The following ARX variants were observed in gnomAD, a reference collection of about 807,000 sequenced individuals.
The protein encoded by ARX is aristaless related homeobox, also known as homeobox protein ARX.
ARX carries 1 observed loss-of-function variant against 23.1 expected under a neutral mutation model. That is an observed-to-expected ratio of 0.04 (90% CI 0.02 to 0.21). The LOEUF is 0.21. ARX is among the 10% of genes least tolerant of loss of function. ARX has a pLI of 1.00. For missense variants in ARX, 380 were observed against 527.5 expected (o/e 0.72, Z 2.74); for synonymous variants, 301 against 270.1 (o/e 1.11, Z -1.12).
chrX:25,007,370 C>G lies in ARX; in HGVS notation c.1189G>C (p.Gly397Arg). Residue 397 changes from glycine (G) to arginine (R), a missense_variant, in exon 4 of 5, where the codon GGG becomes CGG. Around this residue, in one of 3 missense-constraint regions of ARX, gnomAD observed 121 missense variants for 169.7 expected, o/e 0.71. Coordinates refer to ENST00000379044, the MANE Select transcript of ARX (RefSeq NM_139058.3). Reference sequence around the variant, plus strand: ...GAGAGCGGCCCCGGGAAGGGCAGCCCAGGGGGGTGGGTCTGCGCGCCTGCC... The same window carrying G: ...GAGAGCGGCCCCGGGAAGGGCAGCCGAGGGGGGTGGGTCTGCGCGCCTGCC... The part of the protein sequence containing the change: ...EKAGAQTHPP[G>R]LPFPGPLSAT... 1 of 1,152,607 alleles carries G rather than the reference C, an allele frequency of 8.7e-7. No individual in the cohort carries two copies. Among genetic ancestry groups the G allele is most frequent in the Non-Finnish European group, 1.1e-6 (1 of 870,989 alleles). 95.0% of individuals were successfully genotyped at this position (1,152,607 alleles called of 1,213,427 possible).
intron 1 of ARX, 122 bp downstream of exon 1, chrX:25,015,418 CAG>C: frequency 1.1e-6 from 1 of 905,460 alleles, no homozygotes; most frequent in Non-Finnish European, 1.6e-6. Context: ...CAGCAGGCCT[CAG>C]AGTTATGCCC....
intron 4 of ARX, chrX:25,006,150 T>C (rs1466070893): frequency 8.9e-6 from 1 of 112,049 alleles, no homozygotes; most frequent in Non-Finnish European, 1.9e-5. Context: ...AGACAGAACT[T>C]TAAGATTTTT....
chrX:25,012,491 C>T (rs1241428400), intron 2 of ARX, among the ~76,000 whole-genome samples: 3 of 112,877 alleles, frequency 2.7e-5, no homozygotes, highest in Non-Finnish European at 5.6e-5. Flanking sequence ...ATAGCCCCTG[C>T]TTTGCTCTGT....
At position 25,015,947 on chromosome X, in the gene ARX, A is replaced by C. The variant is rs1229903227; in HGVS notation, c.-210T>G. The C allele has an allele frequency of 1.3e-5, 6 of 450,658 alleles. No individual in the cohort carries two copies. Among genetic ancestry groups the C allele is most frequent in the South Asian group, 3.2e-5 (1 of 31,329 alleles). The allele number at this position is 450,658 out of a possible 1,213,427, so 37.1% of individuals were successfully genotyped here. A position where few individuals can be genotyped will look rare whatever the true frequency, so the allele number is the denominator to read the frequency against. On this transcript the variant is annotated 5_prime_UTR_variant, in exon 1 of 5. Coordinates refer to ENST00000379044, the MANE Select transcript of ARX (RefSeq NM_139058.3). Reference sequence around the variant, plus strand: ...AGCTCGCCCTCTCCGCGCTCAGGACAAGCGGTAACAAGTGTAGTGAGCAGC... The same window carrying C: ...AGCTCGCCCTCTCCGCGCTCAGGACCAGCGGTAACAAGTGTAGTGAGCAGC...
chrX:25,010,429 C>A (rs1181058563), intron 2 of ARX, 124 bp from the exon 3 acceptor site: 15 of 814,391 alleles, frequency 1.8e-5, no homozygotes, highest in Non-Finnish European at 2.7e-5. Flanking sequence ...CCCCCCACCC[C>A]CAAACATATG....
At position 25,015,764 on chromosome X, in the gene ARX, A is replaced by G; in HGVS notation, c.-27T>C. ...GCTGGGGCTTTTTCCCAGGGCGCAG[A>G]GAGCGGATCGCCGGCTGCCTCTCCC... On this transcript the variant is annotated 5_prime_UTR_variant, in exon 1 of 5. Coordinates refer to ENST00000379044, the MANE Select transcript of ARX (RefSeq NM_139058.3). 1 of 1,176,060 alleles carries G rather than the reference A, an allele frequency of 8.5e-7. No individual in the cohort carries two copies. Among genetic ancestry groups the G allele is most frequent in the Non-Finnish European group, 1.1e-6 (1 of 874,606 alleles).
intron 2 of ARX, among the ~76,000 whole-genome samples, chrX:25,011,250 A>G (rs1334869785): frequency 8.9e-6 from 1 of 112,006 alleles, no homozygotes. Context: ...AACCGTCTCC[A>G]TAAGTGCCCT....
Position 25,004,808 on chromosome X carries a change from C to G in ARX, c.1551G>C (p.Leu517=), listed in dbSNP as rs775559473. ...AVEGAVASGA[L]ADPATAAADR... ...CTGCGGCCGCCGTGGCCGGGTCGGC[C>G]AGGGCGCCCGATGCCACTGCGCCCT... Residue 517 remains leucine (L), a synonymous_variant, in exon 5 of 5, where the codon CTG becomes CTC. Coordinates refer to ENST00000379044, the MANE Select transcript of ARX (RefSeq NM_139058.3). The G allele has an allele frequency of 8.5e-7, 1 of 1,174,490 alleles. No individual in the cohort carries two copies. Among genetic ancestry groups the G allele is most frequent in the South Asian group, 1.9e-5 (1 of 53,211 alleles).
intron 3 of ARX, 141 bp downstream of exon 3, chrX:25,010,119 G>T: frequency 3.0e-6 from 2 of 661,744 alleles, no homozygotes; most frequent in Non-Finnish European, 4.8e-6. Flanking sequence ...AGAGTGCTTG[G>T]GTCTACTTTT....
rs978030923 is a variant in ARX at position 25,004,224 on chromosome X, G to C, written c.*446C>G. ...GCCCTGGCTTCACGCTGGGGCCCTC[G>C]CTGGGGAGATCAACTTCGAGCGCCA... On this transcript the variant is annotated 3_prime_UTR_variant, in exon 5 of 5. Transcript: ENST00000379044. 1 of 135,799 alleles carries C rather than the reference G, an allele frequency of 7.4e-6. No homozygotes were observed. Among genetic ancestry groups the C allele is most frequent in the African/African-American group, 3.4e-5 (1 of 29,666 alleles). 11.2% of individuals were successfully genotyped at this position (135,799 alleles called of 1,213,427 possible). A position where few individuals can be genotyped will look rare whatever the true frequency, so the allele number is the denominator to read the frequency against.
chrX:25,009,309 C>T (rs1569394503), intron 3 of ARX, among the ~76,000 whole-genome samples: 2 of 111,406 alleles, frequency 1.8e-5, no homozygotes, highest in Non-Finnish European at 3.8e-5. Flanking sequence ...AGGGAGGGGG[C>T]GCTCTCTTTC....
At chrX:25,008,633 T>C (rs139418530) in intron 3 of ARX, among the ~76,000 whole-genome samples, 1,906 of 112,332 alleles carry the variant, frequency 0.017, 49 homozygotes, top group African/African-American at 0.059. Flanking sequence ...GGGCTGGGTT[T>C]ATAACTGCAC....
At chrX:25,014,525 G>A (rs975162067) in intron 1 of ARX, among the ~76,000 whole-genome samples, 2 of 112,512 alleles carry the variant, frequency 1.8e-5, no homozygotes, top group Admixed American at 9.4e-5. Flanking sequence ...GGGAGAGGGT[G>A]GGGGGGCTTC....
intron 3 of ARX, 38 bp from the exon 4 acceptor site, chrX:25,007,477 G>A: frequency 8.8e-7 from 1 of 1,139,106 alleles, no homozygotes; most frequent in East Asian, 3.4e-5. Flanking sequence ...GCGCGGCTCG[G>A]CCCGGCGGGC....
rs2048725601 is a variant in ARX at position 25,015,899 on chromosome X, G to A, written c.-162C>T. The A allele has an allele frequency of 3.4e-6, 2 of 588,939 alleles. No homozygotes were observed. Among genetic ancestry groups the A allele is most frequent in the East Asian group, 3.6e-5 (1 of 27,777 alleles). The allele number at this position is 588,939 out of a possible 1,213,427, so 48.5% of individuals were successfully genotyped here. Reference sequence around the variant, plus strand: ...TGCCTCCCTTGGTTGCCGGCTGCCGGCTCCCGCCCTGCCCGCGGCCCGAGC... The same window carrying A: ...TGCCTCCCTTGGTTGCCGGCTGCCGACTCCCGCCCTGCCCGCGGCCCGAGC... On this transcript the variant is annotated 5_prime_UTR_variant, in exon 1 of 5. Coordinates refer to ENST00000379044, the MANE Select transcript of ARX (RefSeq NM_139058.3).
At chrX:25,006,997 G>A in intron 4 of ARX, 114 bp downstream of exon 4, 1 of 899,116 alleles carries the variant, frequency 1.1e-6, no homozygotes, top group Non-Finnish European at 1.5e-6. Flanking sequence ...CTCTGAGGTT[G>A]GGTCAAAGAA....
chrX:25,013,443 C>A lies in ARX; in HGVS notation c.552G>T (p.Pro184=). The A allele has an allele frequency of 1.1e-6, 1 of 933,853 alleles. No homozygotes were observed. 77.0% of individuals were successfully genotyped at this position (933,853 alleles called of 1,213,427 possible). The change falls in exon 2 of 5, where the codon CCG becomes CCT. Residue 184 remains proline, a synonymous_variant. Coordinates refer to ENST00000379044, the MANE Select transcript of ARX (RefSeq NM_139058.3). ...SYRENGAPFV[P]PPPALDELGG... is the part of the protein sequence containing the mutation. ...CCAGCTCGTCCAGCGCGGGCGGCGG[C>A]GGCACGAAGGGCGCCCCGTTCTCGC...
chrX:25,013,897 G>C, intron 1 of ARX, 99 bp from the exon 2 acceptor site: 1 of 853,117 alleles, frequency 1.2e-6, no homozygotes. Flanking sequence ...CAGTGCCTAG[G>C]CCCAGGCGTG....
Position 25,015,761 on chromosome X carries a change from C to T in ARX, c.-24G>A. The T allele has an allele frequency of 1.7e-6, 2 of 1,178,971 alleles. No individual in the cohort carries two copies. Among genetic ancestry groups the T allele is most frequent in the Non-Finnish European group, 2.3e-6 (2 of 876,337 alleles). On this transcript the variant is annotated 5_prime_UTR_variant, in exon 1 of 5. Transcript: ENST00000379044. ...ATGGCTGGGGCTTTTTCCCAGGGCG[C>T]AGAGAGCGGATCGCCGGCTGCCTCT...
Sources: allele counts gnomAD v4.1 joint callset (sites outside exome capture counted in the v4.1 genomes callset), GRCh38; gene constraint gnomAD v4.1.1; regional missense constraint gnomAD v4.1.1; transcripts MANE v1.5; gene names NCBI Gene and HGNC (gene_info 2026-07-23, HGNC 2026-07-21).